Variants in LINGO2 observed in about 807,000 individuals in gnomAD.
The protein encoded by LINGO2 is leucine-rich repeat and immunoglobulin-like domain-containing nogo receptor-interacting protein 2.
A neutral mutation model predicts 30.6 loss-of-function variants in LINGO2; 14 were observed. The observed-to-expected ratio is 0.46, with a 90% confidence interval of 0.30 to 0.72. The LOEUF (loss-of-function observed/expected upper bound fraction) is 0.72. LINGO2 is among the 30% of genes least tolerant of loss of function. The probability of loss-of-function intolerance (pLI) is 0.07; values close to 1 mark genes in which losing one functional copy is unlikely to be tolerated. For synonymous variants in LINGO2, 317 were observed against 288.5 expected, an observed-to-expected ratio of 1.10 and a Z score of -1.00; for missense variants, 729 against 751.7, an observed-to-expected ratio of 0.97 and a Z score of 0.35.
intron 2 of LINGO2, among the ~76,000 whole-genome samples, chr9:28,387,364 A>T (rs1294191728): frequency 4.6e-5 from 7 of 152,234 alleles, no homozygotes; most frequent in African/African-American, 1.4e-4. Flanking sequence ...AAACGCACCA[A>T]TCAGCACTCT....
chr9:29,125,173 C>T, the LINGO2 span, among the ~76,000 whole-genome samples: 135 of 152,232 alleles, frequency 8.9e-4, no homozygotes, highest in African/African-American at 3.3e-3. Context: ...TAAAACCAAA[C>T]ACCACATGTT....
chr9:28,003,413 C>CTGAA (rs1822082565), intron 5 of LINGO2, among the ~76,000 whole-genome samples: 1 of 151,728 alleles, frequency 6.6e-6, no homozygotes, highest in Non-Finnish European at 1.5e-5. Flanking sequence ...AGAGAGTTCA[C>CTGAA]ATTTATTTCA....
intron 4 of LINGO2, among the ~76,000 whole-genome samples, chr9:28,248,788 T>C (rs1253636198): frequency 6.6e-6 from 1 of 152,182 alleles, no homozygotes; most frequent in Non-Finnish European, 1.5e-5. Flanking sequence ...AAAGTTTCTA[T>C]GTTGATTCAA....
chr9:28,706,256 G>T, the LINGO2 span, among the ~76,000 whole-genome samples: 32 of 152,100 alleles, frequency 2.1e-4, no homozygotes, highest in African/African-American at 7.2e-4. Flanking sequence ...AACAGTACAT[G>T]GGTTAAAAAA....
At chr9:28,979,273 T>G in the LINGO2 span, among the ~76,000 whole-genome samples, 4 of 152,064 alleles carry the variant, frequency 2.6e-5, no homozygotes, top group Non-Finnish European at 5.9e-5. Context: ...AACTGTCAGG[T>G]AAGAACCATG....
chr9:28,741,575 G>A, the LINGO2 span, among the ~76,000 whole-genome samples: 37 of 152,094 alleles, frequency 2.4e-4, no homozygotes, highest in Admixed American at 1.3e-3. Context: ...TTGTGGGGGC[G>A]CTGGTCCAGA....
intron 4 of LINGO2, among the ~76,000 whole-genome samples, chr9:28,101,250 G>C (rs1008962356): frequency 1.3e-5 from 2 of 151,884 alleles, no homozygotes; most frequent in Non-Finnish European, 1.5e-5. Context: ...ACTATTGATG[G>C]GGTGTCCATC....
intron 4 of LINGO2, among the ~76,000 whole-genome samples, chr9:28,093,479 A>T (rs1018153779): frequency 1.3e-5 from 2 of 152,072 alleles, no homozygotes; most frequent in African/African-American, 4.8e-5. Context: ...TCATTCATGG[A>T]CTGTATTTAG....
chr9:28,338,536 G>C (rs1274214281), intron 3 of LINGO2, among the ~76,000 whole-genome samples: 1 of 152,054 alleles, frequency 6.6e-6, no homozygotes, highest in Non-Finnish European at 1.5e-5. Flanking sequence ...GAATGATGTG[G>C]TCTGGCTGTG....
At chr9:28,429,792 G>A (rs919484311) in intron 2 of LINGO2, among the ~76,000 whole-genome samples, 6 of 152,120 alleles carry the variant, frequency 3.9e-5, no homozygotes, top group African/African-American at 1.4e-4. Context: ...AGCCCCTGGT[G>A]TTCCAACAGA....
intron 5 of LINGO2, among the ~76,000 whole-genome samples, chr9:28,004,256 C>G (rs1475953786): frequency 6.6e-6 from 1 of 151,986 alleles, no homozygotes. Flanking sequence ...TTCTTATATA[C>G]TTTAAAATAC....
At chr9:29,083,361 C>A in the LINGO2 span, among the ~76,000 whole-genome samples, 1 of 152,026 alleles carries the variant, frequency 6.6e-6, no homozygotes, top group Admixed American at 6.6e-5. Flanking sequence ...CATGTTCTCA[C>A]ACATAGGTGG....
the LINGO2 span, among the ~76,000 whole-genome samples, chr9:28,863,462 G>A: frequency 6.6e-6 from 1 of 152,020 alleles, no homozygotes; most frequent in Non-Finnish European, 1.5e-5. Flanking sequence ...GTTTGACACA[G>A]GTTTGATCAC....
chr9:28,303,560 T>C (rs192462397), intron 3 of LINGO2, among the ~76,000 whole-genome samples: 34 of 152,324 alleles, frequency 2.2e-4, no homozygotes, highest in African/African-American at 7.9e-4. Context: ...ACTAGCAGTC[T>C]ACTCTTGACT....
At chr9:28,120,493 T>A (rs1172839966) in intron 4 of LINGO2, among the ~76,000 whole-genome samples, 1 of 152,300 alleles carries the variant, frequency 6.6e-6, no homozygotes, top group Admixed American at 6.5e-5. Context: ...GGAAGAAACT[T>A]GGTAACACTG....
At chr9:28,336,657 A>C (rs1229124233) in intron 3 of LINGO2, among the ~76,000 whole-genome samples, 1 of 152,100 alleles carries the variant, frequency 6.6e-6, no homozygotes, top group Non-Finnish European at 1.5e-5. Context: ...ACTGTTTGTT[A>C]AAGAGATTCT....
chr9:28,309,297 T>C lies in LINGO2; in HGVS notation c.-245-13931A>G, dbSNP rs1054309870. Among the ~76,000 whole-genome samples, 5 of 151,888 alleles carry C rather than the reference T, an allele frequency of 3.3e-5. No individual in the cohort carries two copies. The South Asian group carries it at 8.3e-4, about 25-fold the overall frequency. On this transcript the variant is annotated intron_variant, in intron 3 of 5. Transcript: ENST00000379992. ...GTCCTTTGTAGGGACATGGATGAAA[T>C]TGGAAATCCTCATTCTCAGTAAACT... is the stretch of plus-strand genomic sequence containing the variant.
At chr9:28,420,846 A>C (rs1182340782) in intron 2 of LINGO2, among the ~76,000 whole-genome samples, 1 of 152,112 alleles carries the variant, frequency 6.6e-6, no homozygotes, top group Admixed American at 6.6e-5. Flanking sequence ...TTCTGTATTC[A>C]TCATTCTTTT....
the LINGO2 span, among the ~76,000 whole-genome samples, chr9:29,094,397 T>C: frequency 7.2e-6 from 1 of 139,328 alleles, no homozygotes; most frequent in African/African-American, 2.7e-5. Context: ...TTAAGCAGCA[T>C]GACATAAATT....
Sources: gnomAD v4.1 joint callset for allele counts (sites outside exome capture counted in the v4.1 genomes callset) on GRCh38, gnomAD v4.1.1 for gene constraint, MANE v1.5 for transcripts, NCBI Gene and HGNC (gene_info 2026-07-23, HGNC 2026-07-21) for gene names.